The following PTPN13 variants were observed in gnomAD, a reference collection of about 807,000 sequenced individuals.
The protein encoded by PTPN13 is tyrosine-protein phosphatase non-receptor type 13.
PTPN13 carries 191 observed loss-of-function variants against 284.0 expected under a neutral mutation model. The ratio of observed to expected loss-of-function variants is 0.67; its 90% CI spans 0.60 to 0.76. PTPN13 has a LOEUF of 0.76. PTPN13 is among the 30% of genes least tolerant of loss of function. The pLI is 0.00. For synonymous variants in PTPN13, 986 were observed against 1,022.3 expected (o/e 0.96, Z 0.68); for missense variants, 2,797 against 2,939.9 (o/e 0.95, Z 1.12).
chr4:86,673,793 T>C (rs953767303), intron 3 of PTPN13, among the ~76,000 whole-genome samples: 1 of 152,064 alleles, frequency 6.6e-6, no homozygotes, highest in Admixed American at 6.5e-5. Flanking sequence ...CTGCAACCTC[T>C]GCCTCCTGGG....
intron 43 of PTPN13, 105 bp from the exon 44 acceptor site, chr4:86,805,174 A>G: frequency 1.7e-6 from 1 of 600,378 alleles, no homozygotes; most frequent in Non-Finnish European, 2.9e-6. Context: ...AACACTCAGA[A>G]TCAGCCTTAA....
At chr4:86,770,591 T>C (rs906796153) in intron 30 of PTPN13, among the ~76,000 whole-genome samples, 2 of 152,202 alleles carry the variant, frequency 1.3e-5, no homozygotes, top group African/African-American at 4.8e-5. Context: ...CTACATTGAT[T>C]TGAGGCACCA....
At chr4:86,738,585 C>T (rs549794244) in intron 15 of PTPN13, among the ~76,000 whole-genome samples, 2 of 152,260 alleles carry the variant, frequency 1.3e-5, no homozygotes, top group African/African-American at 4.8e-5. Flanking sequence ...TTAAGAAGTA[C>T]ATGTTCTTTA....
Position 86,750,458 on chromosome 4 carries a change from A to G in PTPN13, c.2651-12A>G, listed in dbSNP as rs766400122. On this transcript the variant is annotated splice_polypyrimidine_tract_variant and intron_variant, in intron 17 of 47. Coordinates refer to ENST00000411767, the MANE Select transcript of PTPN13 (RefSeq NM_080683.3). Reference sequence around the variant, plus strand: ...CGTTACCATCATGTAAAGCAATCCTATTTCCTTGTAGAGAGAGCTTCGTTT... The same window carrying G: ...CGTTACCATCATGTAAAGCAATCCTGTTTCCTTGTAGAGAGAGCTTCGTTT... 23 of 1,601,344 alleles carry G rather than the reference A, an allele frequency of 1.4e-5. No homozygotes were observed. The highest frequency in any genetic ancestry group is 1.7e-4 in the Middle Eastern group (1 of 5,982).
intron 1 of PTPN13, among the ~76,000 whole-genome samples, chr4:86,608,308 A>G (rs1477920537): frequency 6.6e-6 from 1 of 152,104 alleles, no homozygotes; most frequent in African/African-American, 2.4e-5. Flanking sequence ...TGAGGAACAA[A>G]TTATGATATT....
chr4:86,669,599 T>C (rs1416498292), intron 2 of PTPN13, among the ~76,000 whole-genome samples: 2 of 152,148 alleles, frequency 1.3e-5, no homozygotes, highest in African/African-American at 4.8e-5. Context: ...TAAGGAATTA[T>C]GAATTGCTTT....
At chr4:86,733,586 G>C (rs1320731728) in intron 12 of PTPN13, among the ~76,000 whole-genome samples, 2 of 151,918 alleles carry the variant, frequency 1.3e-5, no homozygotes, top group African/African-American at 4.8e-5. Flanking sequence ...TTATGCTGTA[G>C]ACTCATACAA....
chr4:86,740,435 C>A (rs1736042694), intron 15 of PTPN13, among the ~76,000 whole-genome samples: 1 of 152,198 alleles, frequency 6.6e-6, no homozygotes, highest in Admixed American at 6.5e-5. Context: ...CTGAGCTGTA[C>A]CTTGGCCCCT....
intron 24 of PTPN13, among the ~76,000 whole-genome samples, chr4:86,763,509 T>G (rs1738945032): frequency 6.6e-6 from 1 of 152,234 alleles, no homozygotes; most frequent in South Asian, 2.1e-4. Flanking sequence ...AATTTTAATA[T>G]CTGAAAATTG....
intron 1 of PTPN13, among the ~76,000 whole-genome samples, chr4:86,617,273 T>G (rs1276194864): frequency 6.6e-6 from 1 of 152,204 alleles, no homozygotes. Flanking sequence ...ATTCGTCTGT[T>G]GCACTGACCA....
intron 15 of PTPN13, among the ~76,000 whole-genome samples, chr4:86,737,273 T>G (rs921353146): frequency 2.0e-5 from 3 of 151,358 alleles, no homozygotes; most frequent in South Asian, 2.1e-4. Context: ...TAAAATAAAA[T>G]AAAAGTAAAA....
rs367930006 is a variant in PTPN13 at position 86,764,665 on chromosome 4, G to A, written c.4090G>A (p.Gly1364Arg). ...TTTTTCTTCATCACCTCCTAAGCCT[G>A]GAGATATCTTTGAGGTTGAACTGGC... ...KTFSSSPPKP[G>R]DIFEVELAKN... The change falls in exon 25 of 48, where the codon GGA becomes AGA. Residue 1364 changes from glycine (G) to arginine (R), a missense_variant. Gly to Arg is a moderately radical substitution (Grantham distance 125). Coordinates refer to ENST00000411767, the MANE Select transcript of PTPN13 (RefSeq NM_080683.3). The A allele has an allele frequency of 1.9e-5, 31 of 1,605,308 alleles. No homozygotes were observed. The highest frequency in any genetic ancestry group is 2.6e-5 in the Non-Finnish European group (31 of 1,176,718).
intron 2 of PTPN13, among the ~76,000 whole-genome samples, chr4:86,655,201 C>T (rs1725613743): frequency 6.6e-6 from 1 of 152,138 alleles, no homozygotes; most frequent in Non-Finnish European, 1.5e-5. Context: ...ATCCAATTTG[C>T]CAGTCTGTGT....
intron 1 of PTPN13, among the ~76,000 whole-genome samples, chr4:86,604,593 G>A (rs1578236018): frequency 6.6e-6 from 1 of 151,764 alleles, no homozygotes. Flanking sequence ...ACATTTTAAA[G>A]GAAACAAAAT....
intron 24 of PTPN13, among the ~76,000 whole-genome samples, chr4:86,764,075 T>C (rs1051531281): frequency 1.3e-5 from 2 of 152,226 alleles, no homozygotes; most frequent in Non-Finnish European, 2.9e-5. Flanking sequence ...TTCCCATGTT[T>C]ATATTATTGG....
chr4:86,645,804 A>T (rs1724357083), intron 2 of PTPN13, among the ~76,000 whole-genome samples: 1 of 151,330 alleles, frequency 6.6e-6, no homozygotes. Context: ...AACAGGCTAT[A>T]TTTTTTTTTG....
intron 41 of PTPN13, among the ~76,000 whole-genome samples, chr4:86,798,378 C>G (rs1743601294): frequency 6.6e-6 from 1 of 152,180 alleles, no homozygotes; most frequent in African/African-American, 2.4e-5. Flanking sequence ...AATTGCTGCC[C>G]TGTTGACATT....
At chr4:86,612,575 C>T (rs1312159086) in intron 1 of PTPN13, among the ~76,000 whole-genome samples, 1 of 152,148 alleles carries the variant, frequency 6.6e-6, no homozygotes, top group Non-Finnish European at 1.5e-5. Flanking sequence ...CCTTCGGAAT[C>T]TCCGTGAACA....
chr4:86,601,320 A>C (rs1295452778), intron 1 of PTPN13, among the ~76,000 whole-genome samples: 1 of 152,086 alleles, frequency 6.6e-6, no homozygotes, highest in African/African-American at 2.4e-5. Flanking sequence ...GTTCCATTGG[A>C]GCTTAAATTC....
Sources: allele counts gnomAD v4.1 joint callset (sites outside exome capture counted in the v4.1 genomes callset), GRCh38; gene constraint gnomAD v4.1.1; transcripts MANE v1.5; gene names NCBI Gene and HGNC (gene_info 2026-07-23, HGNC 2026-07-21).